CPA3: variants seen among roughly 807,000 people sequenced by gnomAD.
The protein encoded by CPA3 is carboxypeptidase A3.
In CPA3, 52 loss-of-function variants were observed where a neutral mutation model predicts 55.8. That is an observed-to-expected ratio of 0.93 (90% CI 0.75 to 1.17). The LOEUF (loss-of-function observed/expected upper bound fraction) is 1.17. Ranked by LOEUF, CPA3 falls within the 50% of genes most tolerant of loss-of-function variation. The pLI is 0.00. For synonymous variants in CPA3, 179 were observed against 171.2 expected (o/e 1.05, Z -0.36); for missense variants, 547 against 509.1 (o/e 1.07, Z -0.72).
At chr3:148,872,492 G>A (rs182396212) in intron 3 of CPA3, among the ~76,000 whole-genome samples, 2 of 152,234 alleles carry the variant, frequency 1.3e-5, no homozygotes, top group African/African-American at 4.8e-5. Flanking sequence ...ATCTTACGAG[G>A]ATCCATATAA....
chr3:148,883,330 C>T (rs926481129), intron 8 of CPA3, among the ~76,000 whole-genome samples: 1 of 152,134 alleles, frequency 6.6e-6, no homozygotes, highest in African/African-American at 2.4e-5. Flanking sequence ...GTATCTGGCT[C>T]CAAGTCATGG....
intron 3 of CPA3, among the ~76,000 whole-genome samples, chr3:148,872,206 A>G (rs2108030257): frequency 6.6e-6 from 1 of 152,348 alleles, no homozygotes; most frequent in African/African-American, 2.4e-5. Flanking sequence ...AACAAACAAC[A>G]TGGATATACT....
chr3:148,875,559 T>A (rs1714179942), intron 3 of CPA3, among the ~76,000 whole-genome samples: 1 of 152,114 alleles, frequency 6.6e-6, no homozygotes, highest in Admixed American at 6.5e-5. Context: ...TTAACTTTTC[T>A]CTTTTTTTTT....
At chr3:148,889,583 G>A (rs1328188323) in intron 10 of CPA3, among the ~76,000 whole-genome samples, 1 of 152,042 alleles carries the variant, frequency 6.6e-6, no homozygotes, top group Non-Finnish European at 1.5e-5. Context: ...AGAATCATCA[G>A]GAAGCTGGCC....
intron 6 of CPA3, among the ~76,000 whole-genome samples, chr3:148,880,313 GT>G (rs1488307974): frequency 6.7e-6 from 1 of 149,808 alleles, no homozygotes; most frequent in Non-Finnish European, 1.5e-5. Flanking sequence ...TCCTTTCTGA[GT>G]GAAAAATAAC....
At chr3:148,882,418 C>T in intron 7 of CPA3, 87 bp from the exon 8 acceptor site, 3 of 983,880 alleles carry the variant, frequency 3.0e-6, no homozygotes, top group Non-Finnish European at 4.6e-6. Flanking sequence ...AATAAAGTTG[C>T]AGACACCTGC....
Position 148,883,755 on chromosome 3 carries a change from C to A in CPA3, c.921C>A (p.Ser307=). ...IKVYITFHSY[S]QMLLFPYGYT... ...TTTACATCACCTTCCATTCCTACTCCCAGATGCTATTGTTTCCCTATGGAT... is the reference window on the plus strand; with the variant it reads ...TTTACATCACCTTCCATTCCTACTCACAGATGCTATTGTTTCCCTATGGAT... The change falls in exon 9 of 11, where the codon TCC becomes TCA. Residue 307 remains serine, a synonymous_variant. Coordinates refer to ENST00000296046, the MANE Select transcript of CPA3 (RefSeq NM_001870.4). 1 of 1,614,072 alleles carries A rather than the reference C, an allele frequency of 6.2e-7. No individual in the cohort carries two copies. The highest frequency in any genetic ancestry group is 8.5e-7 in the Non-Finnish European group (1 of 1,179,958).
chr3:148,869,052 C>T lies in CPA3; in HGVS notation c.269+13C>T. On this transcript the variant is annotated intron_variant, in intron 3 of 10. Coordinates refer to ENST00000296046, the MANE Select transcript of CPA3 (RefSeq NM_001870.4). ...AAATGCACTATGAGTAAGTCCTTGG[C>T]AAATATTGAAATTTGTTGGATATTC... is the stretch of plus-strand genomic sequence containing the variant. The T allele has an allele frequency of 6.2e-7, 1 of 1,607,984 alleles. No homozygotes were observed. Among genetic ancestry groups the T allele is most frequent in the Non-Finnish European group, 8.5e-7 (1 of 1,176,022 alleles).
Position 148,881,570 on chromosome 3 carries a change from C to G in CPA3, c.625C>G (p.Arg209Gly), listed in dbSNP as rs141357361. Residue 209 changes from arginine (R) to glycine (G), a missense_variant, in exon 7 of 11, where the codon CGA (arginine) becomes GGA (glycine). By Grantham distance (125) the Arg-to-Gly change is moderately radical. Transcript: ENST00000296046. ...CAAAATTATGACCAAACTCTTGGAC[C>G]GAATGAATTTTTACATTCTTCCTGT... ...RNKIMTKLLD[R>G]MNFYILPVFN... 1.2e-6 allele frequency: 2 copies of G among 1,612,664 alleles called. No individual in the cohort carries two copies. Among genetic ancestry groups the G allele is most frequent in the South Asian group, 2.2e-5 (2 of 90,948 alleles).
chr3:148,881,513 C>G lies in CPA3; in HGVS notation c.577-9C>G, dbSNP rs578209411. 1.0e-5 allele frequency: 16 copies of G among 1,588,924 alleles called. 1 individual carries two copies. Among genetic ancestry groups the G allele is most frequent in the South Asian group, 2.2e-5 (2 of 89,642 alleles). ...TACCAATAGCTTAATTTTTTTTCACCTCCGACAGGCAACCAAAACTTATGG... is the reference window on the plus strand; with the variant it reads ...TACCAATAGCTTAATTTTTTTTCACGTCCGACAGGCAACCAAAACTTATGG... On this transcript the variant is annotated splice_polypyrimidine_tract_variant and intron_variant, in intron 6 of 10. Transcript: ENST00000296046.
At chr3:148,872,082 T>C (rs900679299) in intron 3 of CPA3, among the ~76,000 whole-genome samples, 3 of 152,246 alleles carry the variant, frequency 2.0e-5, no homozygotes, top group Admixed American at 6.5e-5. Context: ...AGCATCTGTG[T>C]GGTTTTTCTT....
chr3:148,881,756 A>G (rs978076503), intron 7 of CPA3, 124 bp downstream of exon 7: 1 of 472,976 alleles, frequency 2.1e-6, no homozygotes, highest in South Asian at 6.8e-5. Context: ...TATATTTTTT[A>G]AAATCTCAGT....
intron 5 of CPA3, 112 bp downstream of exon 5, chr3:148,878,860 A>C: frequency 1.6e-6 from 1 of 642,246 alleles, no homozygotes; most frequent in Non-Finnish European, 2.7e-6. Flanking sequence ...TTATCTCTGA[A>C]AGAATATTTA....
chr3:148,876,575 C>T (rs946432918), intron 3 of CPA3, among the ~76,000 whole-genome samples: 2 of 152,090 alleles, frequency 1.3e-5, no homozygotes, highest in African/African-American at 4.8e-5. Flanking sequence ...TGGGGTTTCA[C>T]CATGTTGCCC....
intron 9 of CPA3, among the ~76,000 whole-genome samples, chr3:148,885,434 C>T (rs562198468): frequency 2.5e-4 from 26 of 103,444 alleles, no homozygotes; most frequent in Non-Finnish European, 4.0e-4. Context: ...TTTTTTTAGA[C>T]GGAGTCTCGC....
intron 2 of CPA3, 34 bp from the exon 3 acceptor site, chr3:148,868,881 T>C: frequency 6.2e-7 from 1 of 1,605,206 alleles, no homozygotes; most frequent in Non-Finnish European, 8.5e-7. Context: ...GGTAAGCAAA[T>C]AAACTCTGAC....
chr3:148,871,936 G>A (rs1714078698), intron 3 of CPA3, among the ~76,000 whole-genome samples: 1 of 152,120 alleles, frequency 6.6e-6, no homozygotes. Context: ...TAACAGAAAA[G>A]AGTTCTAAGA....
chr3:148,890,357 G>C (rs183008567), intron 10 of CPA3, among the ~76,000 whole-genome samples: 28 of 152,272 alleles, frequency 1.8e-4, no homozygotes. Context: ...AAATTCATCT[G>C]TGAGTCACAT....
chr3:148,877,905 T>C (rs919817908), intron 3 of CPA3, among the ~76,000 whole-genome samples: 8 of 152,176 alleles, frequency 5.3e-5, no homozygotes, highest in Admixed American at 5.2e-4. Context: ...CCTGTGTTTA[T>C]GTGGATGTAG....
Sources: gnomAD v4.1 joint callset for allele counts (sites outside exome capture counted in the v4.1 genomes callset) on GRCh38, gnomAD v4.1.1 for gene constraint, MANE v1.5 for transcripts, NCBI Gene and HGNC (gene_info 2026-07-23, HGNC 2026-07-21) for gene names.